GRIA2: variants seen among roughly 807,000 people sequenced by gnomAD.
The protein encoded by GRIA2 is glutamate receptor 2.
In GRIA2, 14 loss-of-function variants were observed where a neutral mutation model predicts 97.3. That is an observed-to-expected ratio of 0.14 (90% CI 0.10 to 0.23). The LOEUF (loss-of-function observed/expected upper bound fraction) is 0.23. GRIA2 is among the 10% of genes least tolerant of loss of function. The probability of loss-of-function intolerance (pLI) is 1.00; values close to 1 mark genes in which losing one functional copy is unlikely to be tolerated. For synonymous variants in GRIA2, 412 were observed against 387.8 expected, an observed-to-expected ratio of 1.06 and a Z score of -0.73; for missense variants, 558 against 1,069.8, an observed-to-expected ratio of 0.52 and a Z score of 6.67.
intron 3 of GRIA2, among the ~76,000 whole-genome samples, chr4:157,305,299 C>G (rs1733793800): frequency 6.6e-6 from 1 of 152,068 alleles, no homozygotes; most frequent in African/African-American, 2.4e-5. Flanking sequence ...TCTGTAGACA[C>G]TCATCCTTGT....
chr4:157,359,164 C>T (rs1372714549), intron 12 of GRIA2, among the ~76,000 whole-genome samples: 1 of 152,036 alleles, frequency 6.6e-6, no homozygotes. Flanking sequence ...CTTTTGAGTC[C>T]ATTAAGTTTT....
At chr4:157,352,188 T>G (rs1053450941) in intron 12 of GRIA2, among the ~76,000 whole-genome samples, 49 of 152,188 alleles carry the variant, frequency 3.2e-4, no homozygotes, top group Non-Finnish European at 7.2e-4. Context: ...CCAAAACATT[T>G]TTAATCTAAA....
intron 2 of GRIA2, among the ~76,000 whole-genome samples, chr4:157,271,919 T>C (rs1308374180): frequency 6.6e-6 from 1 of 152,114 alleles, no homozygotes; most frequent in Non-Finnish European, 1.5e-5. Context: ...TATCGTACTT[T>C]CTGTGCTTTA....
chr4:157,315,519 G>T (rs897142593), intron 4 of GRIA2, among the ~76,000 whole-genome samples: 68 of 136,354 alleles, frequency 5.0e-4, no homozygotes, highest in East Asian at 3.4e-3. Flanking sequence ...GTTTTTTTTT[G>T]TTTGTTTGTT....
At chr4:157,278,953 C>T (rs903747590) in intron 2 of GRIA2, among the ~76,000 whole-genome samples, 2 of 152,064 alleles carry the variant, frequency 1.3e-5, no homozygotes, top group Admixed American at 6.6e-5. Flanking sequence ...ACACTGACAA[C>T]ACCAAATGCT....
At chr4:157,270,519 C>T (rs1311103909) in intron 2 of GRIA2, among the ~76,000 whole-genome samples, 2 of 152,110 alleles carry the variant, frequency 1.3e-5, no homozygotes, top group African/African-American at 4.8e-5. Context: ...GCAAACAGCT[C>T]ATTATTTTAT....
At chr4:157,277,086 A>G (rs1732354815) in intron 2 of GRIA2, among the ~76,000 whole-genome samples, 1 of 151,960 alleles carries the variant, frequency 6.6e-6, no homozygotes, top group Non-Finnish European at 1.5e-5. Context: ...ACATTATACA[A>G]ACCAGAAAAC....
Position 157,221,032 on chromosome 4 carries a change from T to A in GRIA2, c.-11T>A. 6.8e-7 allele frequency: 1 copy of A among 1,464,770 alleles called. No homozygotes were observed. Among genetic ancestry groups the A allele is most frequent in the Non-Finnish European group, 9.6e-7 (1 of 1,043,846 alleles). The allele number at this position is 1,464,770 out of a possible 1,614,324, so 90.7% of individuals were successfully genotyped here. ...AAGGGGTATATTGTGGATGCTCTAC[T>A]TTTCTTGGAAATGCAAAAGATTATG... On this transcript the variant is annotated 5_prime_UTR_variant, in exon 1 of 16. Coordinates refer to ENST00000264426, the MANE Select transcript of GRIA2 (RefSeq NM_001083619.3).
chr4:157,263,812 T>C (rs1731652768), intron 2 of GRIA2, among the ~76,000 whole-genome samples: 1 of 152,070 alleles, frequency 6.6e-6, no homozygotes, highest in African/African-American at 2.4e-5. Flanking sequence ...GAAGTTCTCT[T>C]CCCCAAGGGA....
chr4:157,303,860 T>A (rs983312659), intron 3 of GRIA2, 69 bp downstream of exon 3: 2 of 1,495,904 alleles, frequency 1.3e-6, no homozygotes, highest in African/African-American at 1.4e-5. Flanking sequence ...CTTCTATGGA[T>A]GTTATAAAGC....
intron 2 of GRIA2, among the ~76,000 whole-genome samples, chr4:157,277,820 A>G (rs972708294): frequency 3.4e-5 from 5 of 145,734 alleles, no homozygotes; most frequent in African/African-American, 1.3e-4. Context: ...TATGCTATAT[A>G]TATATGTATA....
At chr4:157,355,951 T>TA (rs1560781240) in intron 12 of GRIA2, among the ~76,000 whole-genome samples, 2 of 68,084 alleles carry the variant, frequency 2.9e-5, no homozygotes, top group Non-Finnish European at 2.4e-5. Context: ...TAATATATAT[T>TA]TATATATTTA....
chr4:157,339,773 A>T (rs1207536004), intron 11 of GRIA2, among the ~76,000 whole-genome samples: 1 of 152,064 alleles, frequency 6.6e-6, no homozygotes, highest in East Asian at 1.9e-4. Context: ...AATATATGAT[A>T]TGTGTCATAT....
At chr4:157,357,728 A>T (rs1177652569) in intron 12 of GRIA2, among the ~76,000 whole-genome samples, 1 of 152,122 alleles carries the variant, frequency 6.6e-6, no homozygotes, top group Non-Finnish European at 1.5e-5. Context: ...ATATCTTCTA[A>T]ATGATTCAAA....
chr4:157,260,397 T>C (rs1410905101), intron 2 of GRIA2, among the ~76,000 whole-genome samples: 1 of 152,146 alleles, frequency 6.6e-6, no homozygotes, highest in Non-Finnish European at 1.5e-5. Flanking sequence ...GCTTACATGA[T>C]AGATATTTTA....
At chr4:157,278,768 C>T (rs1732462317) in intron 2 of GRIA2, among the ~76,000 whole-genome samples, 1 of 142,522 alleles carries the variant, frequency 7.0e-6, no homozygotes, top group South Asian at 2.2e-4. Context: ...TAAAACTCAA[C>T]AATAAGGAAA....
At chr4:157,281,883 C>T (rs1226429705) in intron 2 of GRIA2, among the ~76,000 whole-genome samples, 1 of 152,084 alleles carries the variant, frequency 6.6e-6, no homozygotes, top group Non-Finnish European at 1.5e-5. Context: ...GAACAGGTCT[C>T]TCTTTAGCTC....
intron 6 of GRIA2, among the ~76,000 whole-genome samples, chr4:157,322,591 C>T (rs1227453719): frequency 6.6e-6 from 1 of 152,090 alleles, no homozygotes; most frequent in Non-Finnish European, 1.5e-5. Flanking sequence ...AGGTATTTTT[C>T]CTTCAGTTGG....
chr4:157,221,052 AT>A lies in GRIA2; in HGVS notation c.12del (p.Met5CysfsTer14). MQK[I>X]MHISVLLSPV... ...TCTACTTTTCTTGGAAATGCAAAAG[AT>A]TATGCATATTTCTGTCCTCCTTTCT... On this transcript the variant is annotated frameshift_variant, in exon 1 of 16. Coordinates refer to ENST00000264426, the MANE Select transcript of GRIA2 (RefSeq NM_001083619.3). LOFTEE classifies it high-confidence loss of function. 6.4e-7 allele frequency: 1 copy of A among 1,565,794 alleles called. No homozygotes were observed. The highest frequency in any genetic ancestry group is 8.8e-7 in the Non-Finnish European group (1 of 1,135,894).
Sources: allele counts gnomAD v4.1 joint callset (sites outside exome capture counted in the v4.1 genomes callset), GRCh38; gene constraint gnomAD v4.1.1; transcripts MANE v1.5; gene names NCBI Gene and HGNC (gene_info 2026-07-23, HGNC 2026-07-21).